Variants in STARD13 observed in about 807,000 individuals in gnomAD.
STARD13 encodes stAR-related lipid transfer protein 13.
STARD13 carries 62 observed loss-of-function variants against 106.4 expected under a neutral mutation model. The observed-to-expected ratio is 0.58, with a 90% CI of 0.48 to 0.72. The LOEUF (loss-of-function observed/expected upper bound fraction) is 0.72. Among genes scored for constraint, STARD13 ranks in the 30% least tolerant of loss-of-function variants. The probability of loss-of-function intolerance (pLI) is 0.00; values close to 1 mark genes in which losing one functional copy is unlikely to be tolerated. For missense variants in STARD13, 1,387 were observed against 1,424.0 expected (o/e 0.97, Z 0.42); for synonymous variants, 565 against 553.0 (o/e 1.02, Z -0.31).
intron 4 of STARD13, among the ~76,000 whole-genome samples, chr13:33,133,010 G>C (rs557389882): frequency 2.6e-5 from 4 of 152,000 alleles, no homozygotes; most frequent in Non-Finnish European, 5.9e-5. Flanking sequence ...GTGAGAAGTT[G>C]ATATTAAATA....
At chr13:33,203,760 A>G (rs1367665736) in intron 1 of STARD13, among the ~76,000 whole-genome samples, 1 of 152,248 alleles carries the variant, frequency 6.6e-6, no homozygotes, top group Non-Finnish European at 1.5e-5. Context: ...ACATAAGATT[A>G]TAGAATTTTG....
intron 7 of STARD13, among the ~76,000 whole-genome samples, chr13:33,124,231 C>T (rs1432747607): frequency 5.3e-5 from 8 of 152,164 alleles, no homozygotes; most frequent in South Asian, 4.1e-4. Context: ...GTGGTCTCTG[C>T]GTGCTTCCCA....
intron 1 of STARD13, chr13:33,277,733 TC>T (rs1376008260): frequency 3.9e-5 from 6 of 152,324 alleles, no homozygotes; most frequent in Admixed American, 2.0e-4. Context: ...AATAATTTCT[TC>T]CTTCTGGCTC....
At chr13:33,656,547 T>C in the STARD13 span, among the ~76,000 whole-genome samples, 3 of 152,230 alleles carry the variant, frequency 2.0e-5, no homozygotes, top group South Asian at 2.1e-4. Context: ...TCGTTCCTCA[T>C]TGGTCATGTA....
chr13:33,659,236 T>TTTTTTTTTA, the STARD13 span, among the ~76,000 whole-genome samples: 9 of 138,584 alleles, frequency 6.5e-5, 1 homozygote, highest in Non-Finnish European at 7.7e-5. Context: ...TTTTTTTTTT[T>TTTTTTTTTA]ATGAAGTCTT....
chr13:33,313,511 T>C (rs1292199493), intron 1 of STARD13, among the ~76,000 whole-genome samples: 3 of 152,168 alleles, frequency 2.0e-5, no homozygotes, highest in Non-Finnish European at 4.4e-5. Flanking sequence ...TCTGGTGAAT[T>C]TCTACCTAGA....
chr13:33,168,628 G>T (rs963204122), intron 1 of STARD13, among the ~76,000 whole-genome samples: 1 of 152,216 alleles, frequency 6.6e-6, no homozygotes, highest in African/African-American at 2.4e-5. Flanking sequence ...ATGGGTCCCT[G>T]TCAGGTCATT....
the STARD13 span, among the ~76,000 whole-genome samples, chr13:33,376,840 GAC>G: frequency 3.9e-3 from 601 of 152,260 alleles, 2 homozygotes; most frequent in African/African-American, 0.014. Flanking sequence ...GAAGCACCAG[GAC>G]ACTGCTCTAT....
At chr13:33,670,465 T>A in the STARD13 span, among the ~76,000 whole-genome samples, 2 of 152,198 alleles carry the variant, frequency 1.3e-5, no homozygotes, top group Non-Finnish European at 2.9e-5. Flanking sequence ...ATTTCACAAG[T>A]ACAAATTCTT....
At chr13:33,358,714 T>A in the STARD13 span, among the ~76,000 whole-genome samples, 1 of 152,192 alleles carries the variant, frequency 6.6e-6, no homozygotes, top group Non-Finnish European at 1.5e-5. Context: ...GGTTTGTGAG[T>A]GCACCAATCG....
the STARD13 span, among the ~76,000 whole-genome samples, chr13:33,635,723 C>A: frequency 6.6e-6 from 1 of 151,922 alleles, no homozygotes; most frequent in South Asian, 2.1e-4. Flanking sequence ...TGGTTCACAC[C>A]TGTAATCCCA....
intron 1 of STARD13, among the ~76,000 whole-genome samples, chr13:33,237,934 A>C (rs1412948213): frequency 6.6e-6 from 1 of 152,232 alleles, no homozygotes; most frequent in Non-Finnish European, 1.5e-5. Flanking sequence ...TCTTCATAAA[A>C]AGAGATAGAC....
intron 1 of STARD13, among the ~76,000 whole-genome samples, chr13:33,327,201 A>T (rs2077786310): frequency 6.6e-6 from 1 of 152,246 alleles, no homozygotes; most frequent in Non-Finnish European, 1.5e-5. Flanking sequence ...TTTAAAATAT[A>T]CATGTAATAC....
the STARD13 span, among the ~76,000 whole-genome samples, chr13:33,605,647 G>A: frequency 6.6e-6 from 1 of 152,084 alleles, no homozygotes; most frequent in Non-Finnish European, 1.5e-5. Flanking sequence ...GAATAGCGCT[G>A]TTCTAGGAAA....
At chr13:33,108,447 G>T (rs186970479) in intron 12 of STARD13, among the ~76,000 whole-genome samples, 1 of 150,620 alleles carries the variant, frequency 6.6e-6, no homozygotes, top group Non-Finnish European at 1.5e-5. Context: ...GCAAGACCCC[G>T]CCCTGACCAT....
chr13:33,524,331 CTGA>C, the STARD13 span: 1 of 1,197,190 alleles, frequency 8.4e-7, no homozygotes, highest in Non-Finnish European at 1.1e-6. Flanking sequence ...TTCCTTTCTT[CTGA>C]TGATTTTTCT....
intron 8 of STARD13, chr13:33,113,413 G>A (rs1175132625): frequency 1.8e-5 from 8 of 439,642 alleles, no homozygotes; most frequent in South Asian, 8.0e-5. Flanking sequence ...CTCGCCTTGC[G>A]TTTCTCCACC....
chr13:33,628,191 A>C, the STARD13 span, among the ~76,000 whole-genome samples: 1,498 of 124,176 alleles, frequency 0.012, 7 homozygotes, highest in African/African-American at 0.042. Context: ...ACACACACAC[A>C]CCACATGCAT....
intron 1 of STARD13, among the ~76,000 whole-genome samples, chr13:33,202,533 C>T (rs879668447): frequency 6.6e-6 from 1 of 152,114 alleles, no homozygotes; most frequent in South Asian, 2.1e-4. Flanking sequence ...TGGTACCTGG[C>T]CTGTCTTTGC....
Sources: gnomAD v4.1 joint callset for allele counts (sites outside exome capture counted in the v4.1 genomes callset) on GRCh38, gnomAD v4.1.1 for gene constraint, MANE v1.5 for transcripts, NCBI Gene and HGNC (gene_info 2026-07-23, HGNC 2026-07-21) for gene names.